PDZD2: variants seen among roughly 807,000 people sequenced by gnomAD.
PDZD2 encodes PDZ domain-containing protein 2.
In PDZD2, 90 loss-of-function variants were observed where a neutral mutation model predicts 220.7. The observed-to-expected ratio is 0.41, with a 90% CI of 0.34 to 0.49. The LOEUF (loss-of-function observed/expected upper bound fraction) is 0.49. Ranked by LOEUF, PDZD2 falls within the 20% of genes least tolerant of loss-of-function variation. The pLI is 0.28. For missense variants in PDZD2, 3,174 were observed against 3,608.5 expected (o/e 0.88, Z 3.08); for synonymous variants, 1,375 against 1,450.5 (o/e 0.95, Z 1.18).
intron 2 of PDZD2, among the ~76,000 whole-genome samples, chr5:31,946,680 T>G (rs1746662453): frequency 1.3e-5 from 2 of 152,276 alleles, no homozygotes; most frequent in Middle Eastern, 3.4e-3. Flanking sequence ...CTCCATAGAT[T>G]ATTCTTTTTG....
At chr5:31,993,806 G>A (rs1252002351) in intron 3 of PDZD2, among the ~76,000 whole-genome samples, 1 of 152,118 alleles carries the variant, frequency 6.6e-6, no homozygotes, top group Admixed American at 6.5e-5. Context: ...TCTGAAGTGA[G>A]ACCCCAAAGT....
intron 2 of PDZD2, chr5:31,923,482 G>T (rs2150382397): frequency 1.0e-6 from 1 of 971,526 alleles, no homozygotes; most frequent in Non-Finnish European, 1.7e-6. Context: ...TTTAAGAGGG[G>T]TGCAGATCCT....
chr5:31,799,777 G>A, intron 2 of PDZD2, 53 bp downstream of exon 2: 2 of 1,212,886 alleles, frequency 1.6e-6, no homozygotes, highest in South Asian at 2.5e-5. Context: ...GAACCTGGTG[G>A]TTCCCAGATC....
At chr5:32,040,951 T>G (rs1756068419) in intron 7 of PDZD2, among the ~76,000 whole-genome samples, 1 of 130,294 alleles carries the variant, frequency 7.7e-6, no homozygotes, top group African/African-American at 3.0e-5. Context: ...ATCTGGGAAA[T>G]GGGGAGCGCC....
chr5:31,803,718 A>C (rs1456921962), intron 2 of PDZD2, among the ~76,000 whole-genome samples: 1 of 152,030 alleles, frequency 6.6e-6, no homozygotes, highest in Non-Finnish European at 1.5e-5. Flanking sequence ...GTCGATGTTC[A>C]AGACTCCAAA....
chr5:31,840,796 T>G, intron 2 of PDZD2: 1 of 796,452 alleles, frequency 1.3e-6, no homozygotes, highest in South Asian at 1.3e-5. Flanking sequence ...CTTCCCGTTT[T>G]GCCATGGTGA....
At chr5:31,725,319 C>T (rs1030269469) in intron 1 of PDZD2, among the ~76,000 whole-genome samples, 7 of 122,060 alleles carry the variant, frequency 5.7e-5, no homozygotes, top group South Asian at 2.5e-4. Context: ...GCCTGGGGGA[C>T]GAGAGCAAAA....
In PDZD2 at chr5:31,838,103, G is replaced by C. The variant is rs566908561; in HGVS notation, c.476+38379G>C. Among the ~76,000 whole-genome samples, 6 of 152,252 alleles carry C rather than the reference G, an allele frequency of 3.9e-5. No homozygotes were observed. The South Asian group carries it at 6.2e-4, about 16-fold the overall frequency. On this transcript the variant is annotated intron_variant, in intron 2 of 24. Coordinates refer to ENST00000438447, the MANE Select transcript of PDZD2 (RefSeq NM_178140.4). ...TACTTTATGGACCCCAGGGTCCACTGTTGGAGTGCAGTGGCATGATCTCAG... is the reference window on the plus strand; with the variant it reads ...TACTTTATGGACCCCAGGGTCCACTCTTGGAGTGCAGTGGCATGATCTCAG...
chr5:32,061,164 G>A, intron 14 of PDZD2, 30 bp downstream of exon 14: 1 of 1,611,008 alleles, frequency 6.2e-7, no homozygotes, highest in South Asian at 1.1e-5. Flanking sequence ...TCTGAACGTG[G>A]GAAGATGATA....
intron 2 of PDZD2, among the ~76,000 whole-genome samples, chr5:31,857,015 GTTCT>G (rs1184534135): frequency 6.6e-6 from 1 of 151,672 alleles, no homozygotes; most frequent in Non-Finnish European, 1.5e-5. Context: ...CCAACTTCCA[GTTCT>G]TTGTCTTTTC....
At chr5:31,893,270 C>A (rs1196338736) in intron 2 of PDZD2, among the ~76,000 whole-genome samples, 2 of 152,076 alleles carry the variant, frequency 1.3e-5, no homozygotes, top group Non-Finnish European at 2.9e-5. Context: ...TTGTGGTTCG[C>A]ATTTAAAAAC....
At chr5:31,747,067 C>T (rs185325950) in intron 1 of PDZD2, among the ~76,000 whole-genome samples, 4 of 152,140 alleles carry the variant, frequency 2.6e-5, no homozygotes, top group Non-Finnish European at 4.4e-5. Flanking sequence ...CCCAGCTACT[C>T]GGGAGGCTGA....
rs77583772 is a variant in PDZD2 at position 31,695,129 on chromosome 5, TA to T, written c.-361+55704del. 3.1e-3 allele frequency among the ~76,000 whole-genome samples: 439 copies of T among 142,578 alleles called. 1 individual carries two copies. Among genetic ancestry groups the T allele is most frequent in the African/African-American group, 5.8e-3 (226 of 39,128 alleles). 93.5% of individuals were successfully genotyped at this position (142,578 alleles called of 152,430 possible). A position where few individuals can be genotyped will look rare whatever the true frequency, so the allele number is the denominator to read the frequency against. ...ACAGAGCGAGACTCCGTCTCCAAAT[TA>T]AAAAAAAAAAAGAAAGTAAAGGAAT... On this transcript the variant is annotated intron_variant, in intron 1 of 24. Coordinates refer to ENST00000438447, the MANE Select transcript of PDZD2 (RefSeq NM_178140.4).
In PDZD2 at chr5:32,102,155, C is replaced by A. The variant is rs183650360; in HGVS notation, c.8353+916C>A. 8.2e-3 allele frequency among the ~76,000 whole-genome samples: 1,241 copies of A among 151,226 alleles called. 27 individuals carry two copies. The highest frequency in any genetic ancestry group is 0.029 in the African/African-American group (1,189 of 41,370). ...ATGTATAGTTACACTTAAAAAAAAA[C>A]CCCTCTATGGATCAAAAGTGGAAAT... On this transcript the variant is annotated intron_variant, in intron 24 of 24. Transcript: ENST00000438447.
At chr5:31,677,942 G>C (rs1467649589) in intron 1 of PDZD2, among the ~76,000 whole-genome samples, 1 of 152,068 alleles carries the variant, frequency 6.6e-6, no homozygotes, top group Non-Finnish European at 1.5e-5. Flanking sequence ...TAATGAGTAT[G>C]TCCGTTATCT....
chr5:31,939,851 A>G (rs1303486787), intron 2 of PDZD2, among the ~76,000 whole-genome samples: 1 of 152,256 alleles, frequency 6.6e-6, no homozygotes, highest in Admixed American at 6.5e-5. Flanking sequence ...ATAGAATCAA[A>G]GACCAAGCCA....
chr5:31,712,019 G>A (rs1222643100), intron 1 of PDZD2: 3 of 152,814 alleles, frequency 2.0e-5, no homozygotes, highest in Admixed American at 2.0e-4. Context: ...GGTGAGCTGA[G>A]GCCCAGGCTG....
intron 3 of PDZD2, among the ~76,000 whole-genome samples, chr5:31,987,775 C>T (rs769321630): frequency 8.5e-5 from 13 of 152,194 alleles, no homozygotes; most frequent in Non-Finnish European, 1.6e-4. Context: ...TTGGGGGTGA[C>T]CAACCATCCT....
chr5:31,745,353 C>T (rs890728653), intron 1 of PDZD2, among the ~76,000 whole-genome samples: 1 of 152,078 alleles, frequency 6.6e-6, no homozygotes, highest in Non-Finnish European at 1.5e-5. Flanking sequence ...AGTTTTAGTT[C>T]CGTTTATTTT....
Sources: gnomAD v4.1 joint callset for allele counts (sites outside exome capture counted in the v4.1 genomes callset) on GRCh38, gnomAD v4.1.1 for gene constraint, MANE v1.5 for transcripts, NCBI Gene and HGNC (gene_info 2026-07-23, HGNC 2026-07-21) for gene names.